Variants in C4orf36 observed in about 807,000 individuals in gnomAD.
C4orf36 encodes uncharacterized protein C4orf36.
Under a neutral mutation model 12.2 loss-of-function variants are expected in C4orf36, and 11 were observed. The observed-to-expected ratio is 0.90, with a 90% CI of 0.57 to 1.49. The LOEUF (loss-of-function observed/expected upper bound fraction) is 1.49, where lower values mean the gene tolerates loss of function less well. C4orf36 is among the 40% of genes most tolerant of loss of function. The probability of loss-of-function intolerance (pLI) is 0.00; values close to 1 mark genes in which losing one functional copy is unlikely to be tolerated. For synonymous variants in C4orf36, 54 were observed against 51.3 expected, an observed-to-expected ratio of 1.05 and a Z score of -0.22; for missense variants, 137 against 133.9, an observed-to-expected ratio of 1.02 and a Z score of -0.11.
At chr4:86,907,394 T>A in the C4orf36 span, among the ~76,000 whole-genome samples, 3 of 152,162 alleles carry the variant, frequency 2.0e-5, no homozygotes, top group Non-Finnish European at 4.4e-5. Context: ...TAACTAGATA[T>A]AATGGATACT....
the C4orf36 span, among the ~76,000 whole-genome samples, chr4:86,929,474 A>G: frequency 2.6e-5 from 4 of 152,184 alleles, no homozygotes; most frequent in Non-Finnish European, 5.9e-5. Context: ...CCAACAGAAG[A>G]GAAGCTGCTG....
chr4:86,908,823 T>G, the C4orf36 span, among the ~76,000 whole-genome samples: 2 of 152,076 alleles, frequency 1.3e-5, no homozygotes, highest in Admixed American at 6.6e-5. Flanking sequence ...CGTCGGAAGA[T>G]CAAAGAAAAG....
chr4:86,906,972 G>A, the C4orf36 span, among the ~76,000 whole-genome samples: 7 of 152,080 alleles, frequency 4.6e-5, no homozygotes, highest in East Asian at 1.9e-4. Context: ...CCCAGGGGGC[G>A]GAGGTTGCAG....
the C4orf36 span, chr4:86,914,463 C>T: frequency 0.23 from 129,453 of 563,662 alleles, 17,781 homozygotes; most frequent in South Asian, 0.39. Context: ...TGCAGTGGCA[C>T]GATCTCAGCT....
At chr4:86,905,579 G>A in the C4orf36 span, among the ~76,000 whole-genome samples, 1 of 152,062 alleles carries the variant, frequency 6.6e-6, no homozygotes, top group Non-Finnish European at 1.5e-5. Context: ...CTTGCATCTG[G>A]TATGAAATGT....
At chr4:86,884,144 A>C (rs1015816032) in intron 4 of C4orf36, among the ~76,000 whole-genome samples, 1 of 152,146 alleles carries the variant, frequency 6.6e-6, no homozygotes, top group African/African-American at 2.4e-5. Flanking sequence ...AATACTTTCC[A>C]GTTGATCAAT....
At chr4:86,899,821 C>T in the C4orf36 span, among the ~76,000 whole-genome samples, 1 of 152,076 alleles carries the variant, frequency 6.6e-6, no homozygotes, top group Non-Finnish European at 1.5e-5. Context: ...ATAGAGCGAG[C>T]CCCTGTCTCA....
intron 4 of C4orf36, 154 bp downstream of exon 4, chr4:86,887,604 G>A (rs1347105580): frequency 5.2e-5 from 39 of 748,944 alleles, no homozygotes; most frequent in Middle Eastern, 4.9e-4. Flanking sequence ...CAGAAGATCT[G>A]TCAGAACTGG....
At chr4:86,935,801 GACTTA>G in the C4orf36 span, 37,649 of 151,886 alleles carry the variant, frequency 0.25, 5,074 homozygotes, top group African/African-American at 0.37. Context: ...CACCTTCTGA[GACTTA>G]ACTTCAGGGA....
chr4:86,914,174 T>C, the C4orf36 span: 3 of 1,591,596 alleles, frequency 1.9e-6, no homozygotes, highest in Non-Finnish European at 2.6e-6. Flanking sequence ...TGTTCCCTAG[T>C]GGGGACTACT....
At position 86,888,339 on chromosome 4, in the gene C4orf36, A is replaced by C; in HGVS notation, c.66-64T>G. On this transcript the variant is annotated intron_variant, in intron 2 of 4. Transcript: ENST00000295898. Reference sequence around the variant, plus strand: ...ATTAAGCACCTACTATGTGAGATGTAGAAGACATTAATTCTCAGTTCCATT... The same window carrying C: ...ATTAAGCACCTACTATGTGAGATGTCGAAGACATTAATTCTCAGTTCCATT... The C allele has an allele frequency of 2.7e-6, 4 of 1,480,698 alleles. 1 individual carries two copies. Among genetic ancestry groups the C allele is most frequent in the Non-Finnish European group, 1.9e-6 (2 of 1,079,686 alleles). 91.7% of individuals were successfully genotyped at this position (1,480,698 alleles called of 1,614,324 possible). A position where few individuals can be genotyped will look rare whatever the true frequency, so the allele number is the denominator to read the frequency against.
At chr4:86,906,335 G>C in the C4orf36 span, among the ~76,000 whole-genome samples, 3 of 152,220 alleles carry the variant, frequency 2.0e-5, no homozygotes, top group African/African-American at 7.2e-5. Context: ...AAGCTCTCTG[G>C]AATCCATAAG....
chr4:86,922,428 G>C, the C4orf36 span, among the ~76,000 whole-genome samples: 1 of 152,210 alleles, frequency 6.6e-6, no homozygotes, highest in Non-Finnish European at 1.5e-5. Flanking sequence ...CACTGTGCCA[G>C]TTATCAATTT....
the C4orf36 span, chr4:86,935,415 G>A: frequency 6.6e-6 from 1 of 152,340 alleles, no homozygotes; most frequent in Admixed American, 6.5e-5. Flanking sequence ...GGGGAGAACG[G>A]GCTAGGGCTC....
the C4orf36 span, among the ~76,000 whole-genome samples, chr4:86,906,837 T>C: frequency 1.3e-5 from 2 of 150,070 alleles, no homozygotes; most frequent in Non-Finnish European, 3.0e-5. Context: ...GTCAGGAATT[T>C]GAGGCCAGCC....
chr4:86,921,008 A>T, the C4orf36 span, among the ~76,000 whole-genome samples: 1 of 151,858 alleles, frequency 6.6e-6, no homozygotes, highest in African/African-American at 2.4e-5. Flanking sequence ...TCTACTAAAA[A>T]TACAAAATTA....
At chr4:86,905,938 C>A in the C4orf36 span, among the ~76,000 whole-genome samples, 5 of 152,114 alleles carry the variant, frequency 3.3e-5, no homozygotes, top group Middle Eastern at 3.2e-3. Context: ...CCAGACTAGT[C>A]TTGAACTCCT....
chr4:86,892,505 G>C (rs1487656777), upstream of C4orf36: 5 of 972,156 alleles, frequency 5.1e-6, no homozygotes, highest in South Asian at 9.5e-5. Flanking sequence ...CGCCGGGCCC[G>C]GGAGACGCGC....
the C4orf36 span, among the ~76,000 whole-genome samples, chr4:86,897,556 C>T: frequency 2.7e-4 from 41 of 152,310 alleles, no homozygotes; most frequent in East Asian, 7.7e-3. Flanking sequence ...CTTACAAAAA[C>T]ATTCATCCAC....
Sources: allele counts gnomAD v4.1 joint callset (sites outside exome capture counted in the v4.1 genomes callset), GRCh38; gene constraint gnomAD v4.1.1; transcripts MANE v1.5; gene names NCBI Gene and HGNC (gene_info 2026-07-23, HGNC 2026-07-21).